PLXDC2: variants seen among roughly 807,000 people sequenced by gnomAD.
PLXDC2 encodes the protein plexin domain containing 2.
Under a neutral mutation model 68.9 loss-of-function variants are expected in PLXDC2, and 40 were observed. The observed-to-expected ratio is 0.58, with a 90% CI of 0.45 to 0.76. The LOEUF (loss-of-function observed/expected upper bound fraction) is 0.76, where lower values mean the gene tolerates loss of function less well. Ranked by LOEUF, PLXDC2 falls within the 30% of genes least tolerant of loss-of-function variation. The pLI, the probability that PLXDC2 is intolerant of heterozygous loss-of-function variation, is 0.00. For synonymous variants in PLXDC2, 243 were observed against 234.2 expected, an observed-to-expected ratio of 1.04 and a Z score of -0.34; for missense variants, 644 against 661.9, an observed-to-expected ratio of 0.97 and a Z score of 0.30.
At chr10:19,956,350 G>T (rs1182112705) in intron 1 of PLXDC2, among the ~76,000 whole-genome samples, 2 of 152,102 alleles carry the variant, frequency 1.3e-5, no homozygotes, top group African/African-American at 2.4e-5. Context: ...TATATTGACT[G>T]CATGTTAAAA....
chr10:19,917,065 T>A (rs1399420217), intron 1 of PLXDC2, among the ~76,000 whole-genome samples: 1 of 152,214 alleles, frequency 6.6e-6, no homozygotes, highest in Admixed American at 6.5e-5. Flanking sequence ...ATCATCTAAG[T>A]TGGAAAGTCA....
rs112505265 is a variant in PLXDC2, at chr10:20,050,212, C to A, written c.471+3197C>A. Among the ~76,000 whole-genome samples, 63 of 152,014 alleles carry A rather than the reference C, an allele frequency of 4.1e-4. 1 individual carries two copies. The highest frequency in any genetic ancestry group is 3.7e-4 in the Non-Finnish European group (25 of 67,968). On this transcript the variant is annotated intron_variant, in intron 3 of 13. Coordinates refer to ENST00000377252, the MANE Select transcript of PLXDC2 (RefSeq NM_032812.9). ...TTACACCATATACAAAAAATCAATT[C>A]GAGATGGACTAAAGACTTAGATGTA...
chr10:19,963,059 C>T (rs1456525520), intron 1 of PLXDC2, among the ~76,000 whole-genome samples: 1 of 151,634 alleles, frequency 6.6e-6, no homozygotes, highest in Non-Finnish European at 1.5e-5. Context: ...TAGCTCAGAG[C>T]CCTCCCTTCC....
chr10:19,989,618 G>A (rs541111157), intron 1 of PLXDC2, among the ~76,000 whole-genome samples: 1 of 152,118 alleles, frequency 6.6e-6, no homozygotes, highest in South Asian at 2.1e-4. Context: ...TGATAACTGA[G>A]CCCTGCACCC....
rs1395877450 is a variant in PLXDC2 at position 19,864,178 on chromosome 10, A to AT, written c.112+46994dup. The stretch of plus-strand genomic sequence containing the variant: ...CCACATGTAGTTAATTAACTTTTTA[A>AT]TTTTTTTGTAGAGATAGGGTTCTCA... On this transcript the variant is annotated intron_variant, in intron 1 of 13. Coordinates refer to ENST00000377252, the MANE Select transcript of PLXDC2 (RefSeq NM_032812.9). 6.6e-5 allele frequency among the ~76,000 whole-genome samples: 10 copies of AT among 152,070 alleles called. No homozygotes were observed. The East Asian group carries it at 1.7e-3, about 27-fold the overall frequency.
chr10:20,179,503 G>A (rs571388422), intron 9 of PLXDC2, among the ~76,000 whole-genome samples: 8 of 151,810 alleles, frequency 5.3e-5, no homozygotes, highest in Non-Finnish European at 1.2e-4. Flanking sequence ...AACCAGGAAA[G>A]TCCAGAAAAA....
intron 1 of PLXDC2, among the ~76,000 whole-genome samples, chr10:19,900,351 G>C (rs1050385694): frequency 1.3e-5 from 2 of 152,060 alleles, no homozygotes; most frequent in Non-Finnish European, 2.9e-5. Flanking sequence ...TTGAGATTTT[G>C]GTTCTGAACT....
chr10:20,025,678 G>A (rs1835388328), intron 2 of PLXDC2, among the ~76,000 whole-genome samples: 1 of 152,128 alleles, frequency 6.6e-6, no homozygotes, highest in East Asian at 1.9e-4. Context: ...TTTGTTGGCT[G>A]CTGGTATGTC....
At chr10:20,250,289 A>AAC (rs1296964604) in intron 13 of PLXDC2, among the ~76,000 whole-genome samples, 1 of 151,380 alleles carries the variant, frequency 6.6e-6, no homozygotes, top group Non-Finnish European at 1.5e-5. Context: ...AAAAAAAAAA[A>AAC]AAATTCATGA....
intron 13 of PLXDC2, among the ~76,000 whole-genome samples, chr10:20,267,702 T>C (rs147532255): frequency 6.6e-6 from 1 of 152,236 alleles, no homozygotes; most frequent in East Asian, 1.9e-4. Context: ...AAAGAACAAA[T>C]GACCTAAATA....
intron 1 of PLXDC2, among the ~76,000 whole-genome samples, chr10:19,952,756 TAGA>T (rs1394211280): frequency 6.6e-6 from 1 of 152,210 alleles, no homozygotes; most frequent in African/African-American, 2.4e-5. Flanking sequence ...GTGAGATCTG[TAGA>T]AGAATAGGCT....
At chr10:19,993,478 G>C (rs931369221) in intron 1 of PLXDC2, among the ~76,000 whole-genome samples, 1 of 152,114 alleles carries the variant, frequency 6.6e-6, no homozygotes, top group African/African-American at 2.4e-5. Flanking sequence ...GGAGTGCAGT[G>C]GTGCAATCTC....
At chr10:19,901,652 C>A (rs1040329022) in intron 1 of PLXDC2, among the ~76,000 whole-genome samples, 1 of 152,082 alleles carries the variant, frequency 6.6e-6, no homozygotes, top group Admixed American at 6.5e-5. Flanking sequence ...CTGATTATTT[C>A]TTTTGCTGTG....
At chr10:20,088,916 A>C (rs6482087) in intron 4 of PLXDC2, among the ~76,000 whole-genome samples, 2 of 152,076 alleles carry the variant, frequency 1.3e-5, no homozygotes, top group East Asian at 3.9e-4. Context: ...TTTTTCCTCC[A>C]AATTTTGCAT....
chr10:20,163,728 C>T (rs894003607), intron 6 of PLXDC2, among the ~76,000 whole-genome samples: 7 of 152,036 alleles, frequency 4.6e-5, no homozygotes, highest in Admixed American at 2.6e-4. Context: ...AACATGGACT[C>T]CCAAGAGTTC....
At chr10:19,879,265 T>C (rs1837686375) in intron 1 of PLXDC2, among the ~76,000 whole-genome samples, 1 of 152,202 alleles carries the variant, frequency 6.6e-6, no homozygotes. Context: ...TAGAAATATT[T>C]AGGCTCTGGT....
chr10:20,229,517 C>G (rs966671147), intron 12 of PLXDC2, among the ~76,000 whole-genome samples: 30 of 105,674 alleles, frequency 2.8e-4, no homozygotes, highest in Non-Finnish European at 1.7e-4. Flanking sequence ...CCACTTTAAG[C>G]AAAAAAAAAA....
intron 9 of PLXDC2, among the ~76,000 whole-genome samples, chr10:20,207,678 A>C (rs113187649): frequency 6.6e-6 from 1 of 152,322 alleles, no homozygotes; most frequent in Non-Finnish European, 1.5e-5. Context: ...CATCTAACTC[A>C]TCTGGAATTA....
intron 12 of PLXDC2, among the ~76,000 whole-genome samples, chr10:20,221,665 G>A (rs1286695751): frequency 6.6e-6 from 1 of 152,060 alleles, no homozygotes; most frequent in African/African-American, 2.4e-5. Context: ...GATGCAGGAA[G>A]GATTACCAAT....
Sources: allele counts gnomAD v4.1 joint callset (sites outside exome capture counted in the v4.1 genomes callset), GRCh38; gene constraint gnomAD v4.1.1; transcripts MANE v1.5; gene names NCBI Gene and HGNC (gene_info 2026-07-23, HGNC 2026-07-21).